The following DNAH8 variants were observed in gnomAD, a reference collection of about 807,000 sequenced individuals.
The protein encoded by DNAH8 is dynein axonemal heavy chain 8.
In DNAH8, 382 loss-of-function variants were observed where a neutral mutation model predicts 562.1. The observed-to-expected ratio is 0.68, with a 90% confidence interval of 0.63 to 0.74. The LOEUF (loss-of-function observed/expected upper bound fraction) is 0.74. Ranked by LOEUF, DNAH8 falls within the 30% of genes least tolerant of loss-of-function variation. The pLI, the probability that DNAH8 is intolerant of heterozygous loss-of-function variation, is 0.00. For missense variants in DNAH8, 5,203 were observed against 5,620.4 expected, an observed-to-expected ratio of 0.93 and a Z score of 2.37; for synonymous variants, 1,881 against 1,919.4, an observed-to-expected ratio of 0.98 and a Z score of 0.52.
intron 28 of DNAH8, 88 bp downstream of exon 28, chr6:38,823,776 G>T: frequency 3.8e-6 from 3 of 783,796 alleles, no homozygotes; most frequent in Non-Finnish European, 5.9e-6. Flanking sequence ...AGTTATCTTG[G>T]TACAATAGTA....
intron 67 of DNAH8, among the ~76,000 whole-genome samples, chr6:38,914,394 T>C (rs571534036): frequency 2.6e-3 from 79 of 30,030 alleles, no homozygotes; most frequent in African/African-American, 0.012. Flanking sequence ...CTTTTTCTCT[T>C]TTTTTTTTTT....
intron 85 of DNAH8, among the ~76,000 whole-genome samples, chr6:38,978,534 C>T (rs1321522029): frequency 6.6e-6 from 1 of 152,148 alleles, no homozygotes; most frequent in Non-Finnish European, 1.5e-5. Flanking sequence ...TAGTGTTTCC[C>T]AGAGGTTCTG....
chr6:38,769,446 T>C (rs931930262), intron 11 of DNAH8, among the ~76,000 whole-genome samples: 6 of 152,154 alleles, frequency 3.9e-5, no homozygotes, highest in African/African-American at 1.4e-4. Context: ...GATAATTGTT[T>C]TGGAGATTGT....
At chr6:39,012,416 T>C (rs371645300) in intron 90 of DNAH8, 32 bp from the exon 91 acceptor site, 86 of 1,608,622 alleles carry the variant, frequency 5.3e-5, no homozygotes, top group Admixed American at 8.4e-5. Flanking sequence ...TTGATGTTTC[T>C]TATTCATGTG....
intron 21 of DNAH8, among the ~76,000 whole-genome samples, chr6:38,794,250 G>A (rs1770021670): frequency 6.6e-6 from 1 of 152,030 alleles, no homozygotes; most frequent in Admixed American, 6.6e-5. Context: ...ATTAAGCAAG[G>A]GTGGGGATGG....
chr6:38,741,769 A>T lies in DNAH8; in HGVS notation c.1175A>T (p.Glu392Val). 1.2e-6 allele frequency: 2 copies of T among 1,614,090 alleles called. No homozygotes were observed. The highest frequency in any genetic ancestry group is 8.5e-7 in the Non-Finnish European group (1 of 1,179,970). ...GCTGGTGATTCAGGTCCACTCACTG[A>T]ATTGGAACACTGGAAACGCATGTCA... ...KEAGDSGPLT[E>V]LEHWKRMSAK... Residue 392 changes from glutamate to valine, a missense_variant, in exon 8 of 93, where the codon GAA (glutamate) becomes GTA (valine). Glu to Val is a moderately radical substitution (Grantham distance 121). Transcript: ENST00000327475.
intron 88 of DNAH8, 47 bp downstream of exon 88, chr6:38,990,219 G>T (rs1764687972): frequency 3.1e-6 from 4 of 1,288,954 alleles, no homozygotes; most frequent in Admixed American, 2.0e-5. Context: ...TTGTAACTCA[G>T]TCTGGCAAAG....
At chr6:38,759,006 C>G (rs1305329508) in intron 10 of DNAH8, among the ~76,000 whole-genome samples, 1 of 152,170 alleles carries the variant, frequency 6.6e-6, no homozygotes, top group East Asian at 1.9e-4. Flanking sequence ...TGAGAAATTA[C>G]TCAAGCAACA....
chr6:38,989,663 T>C (rs143203475), intron 87 of DNAH8, among the ~76,000 whole-genome samples: 27 of 152,274 alleles, frequency 1.8e-4, no homozygotes, highest in African/African-American at 5.5e-4. Context: ...TTCTCTTGTG[T>C]GTGGGAGTAT....
chr6:38,727,462 C>G (rs572065449), intron 3 of DNAH8, among the ~76,000 whole-genome samples: 1 of 152,358 alleles, frequency 6.6e-6, no homozygotes, highest in Admixed American at 6.5e-5. Context: ...CTGTGGTTCT[C>G]TGCTCCCATA....
chr6:38,725,315 T>TAATAAC (rs2127568300), intron 3 of DNAH8, among the ~76,000 whole-genome samples: 1 of 146,826 alleles, frequency 6.8e-6, no homozygotes, highest in South Asian at 2.2e-4. Context: ...ATAATAATAA[T>TAATAAC]AATAATAATA....
chr6:39,027,414 T>TG (rs1178549052), intron 92 of DNAH8, among the ~76,000 whole-genome samples: 2 of 152,178 alleles, frequency 1.3e-5, no homozygotes, highest in African/African-American at 4.8e-5. Context: ...GGAACATGGC[T>TG]GGGGGGAAGA....
At chr6:38,857,869 G>A (rs964416774) in intron 42 of DNAH8, 127 bp downstream of exon 42, 33 of 631,044 alleles carry the variant, frequency 5.2e-5, no homozygotes, top group Admixed American at 1.8e-4. Context: ...CATCAATATC[G>A]TGTCCACAGT....
rs113270063 is a variant in DNAH8 at position 39,001,052 on chromosome 6, A to T, written c.13215-7762A>T. On this transcript the variant is annotated intron_variant, in intron 88 of 92. Transcript: ENST00000327475. The stretch of plus-strand genomic sequence containing the variant: ...AATGCAAACATGAATGTGTGTGGGG[A>T]GTTCTGGGAACCAGGTCCAGTATGC... 2.0e-3 allele frequency among the ~76,000 whole-genome samples: 304 copies of T among 152,260 alleles called. 1 individual carries two copies. Among genetic ancestry groups the T allele is most frequent in the African/African-American group, 6.9e-3 (286 of 41,558 alleles).
chr6:38,879,346 G>A (rs6931736), intron 53 of DNAH8, among the ~76,000 whole-genome samples: 65,940 of 151,824 alleles, frequency 0.43, 15,243 homozygotes, highest in East Asian at 0.84. Context: ...GAACATTGAC[G>A]AAAATTTCTT....
At chr6:38,796,788 T>C in intron 21 of DNAH8, among the ~76,000 whole-genome samples, 1 of 152,076 alleles carries the variant, frequency 6.6e-6, no homozygotes, top group Non-Finnish European at 1.5e-5. Context: ...CTCGGGGAGC[T>C]CGGTTTTTGG....
intron 57 of DNAH8, among the ~76,000 whole-genome samples, chr6:38,888,696 AC>A (rs1779128945): frequency 6.6e-6 from 1 of 152,220 alleles, no homozygotes; most frequent in African/African-American, 2.4e-5. Context: ...ACCATTTCAT[AC>A]CCACTAGATT....
At chr6:38,972,486 A>G (rs1223977934) in intron 83 of DNAH8, among the ~76,000 whole-genome samples, 2 of 152,204 alleles carry the variant, frequency 1.3e-5, no homozygotes, top group Non-Finnish European at 2.9e-5. Flanking sequence ...TCTCAAAGCA[A>G]TTATACATAA....
chr6:38,924,447 G>C (rs1476809808), intron 73 of DNAH8, among the ~76,000 whole-genome samples: 3 of 151,996 alleles, frequency 2.0e-5, no homozygotes, highest in Non-Finnish European at 4.4e-5. Context: ...GGGAGGCAAT[G>C]GTTCCGAGAT....
Sources: gnomAD v4.1 joint callset for allele counts (sites outside exome capture counted in the v4.1 genomes callset) on GRCh38, gnomAD v4.1.1 for gene constraint, MANE v1.5 for transcripts, NCBI Gene and HGNC (gene_info 2026-07-23, HGNC 2026-07-21) for gene names.